AGBL4: variants seen among roughly 807,000 people sequenced by gnomAD.
AGBL4 encodes the protein AGBL carboxypeptidase 4.
In AGBL4, 58 loss-of-function variants were observed where a neutral mutation model predicts 66.4. The ratio of observed to expected loss-of-function variants is 0.87; its 90% CI spans 0.71 to 1.09. The LOEUF is 1.09. Among genes scored for constraint, AGBL4 ranks in the 50% least tolerant of loss-of-function variants. The probability of loss-of-function intolerance (pLI) is 0.00; values close to 1 mark genes in which losing one functional copy is unlikely to be tolerated. For missense variants in AGBL4, 579 were observed against 631.0 expected (o/e 0.92, Z 0.88); for synonymous variants, 234 against 222.9 (o/e 1.05, Z -0.44).
intron 3 of AGBL4, among the ~76,000 whole-genome samples, chr1:49,557,362 T>C (rs1465637474): frequency 2.0e-5 from 3 of 152,150 alleles, no homozygotes; most frequent in African/African-American, 7.2e-5. Context: ...AATTTCATAT[T>C]GTTGAAAGAG....
At chr1:48,738,089 A>G (rs1402176240) in intron 6 of AGBL4, among the ~76,000 whole-genome samples, 1 of 152,200 alleles carries the variant, frequency 6.6e-6, no homozygotes, top group African/African-American at 2.4e-5. Flanking sequence ...TCTTTCTACT[A>G]CTGGAGCTTG....
chr1:48,749,305 A>T (rs930283876), intron 6 of AGBL4, among the ~76,000 whole-genome samples: 1 of 152,112 alleles, frequency 6.6e-6, no homozygotes, highest in Non-Finnish European at 1.5e-5. Context: ...CCCTGACTAG[A>T]ACATAAACAC....
At chr1:49,958,064 A>G (rs567917910) in intron 1 of AGBL4, among the ~76,000 whole-genome samples, 1 of 152,124 alleles carries the variant, frequency 6.6e-6, no homozygotes, top group East Asian at 1.9e-4. Flanking sequence ...GGTGGTGACA[A>G]AATCTCTCAG....
chr1:48,631,137 A>AC (rs1327397666), intron 9 of AGBL4, among the ~76,000 whole-genome samples: 2 of 152,146 alleles, frequency 1.3e-5, no homozygotes, highest in Admixed American at 6.5e-5. Context: ...GAGGAGTGAG[A>AC]CTGTGCATTT....
At chr1:49,645,767 C>CAA (rs761674336) in intron 3 of AGBL4, among the ~76,000 whole-genome samples, 4 of 67,322 alleles carry the variant, frequency 5.9e-5, no homozygotes, top group African/African-American at 1.2e-4. Flanking sequence ...AACATAGATG[C>CAA]AAAAAAAAAA....
At chr1:48,733,947 A>G (rs1359640831) in intron 6 of AGBL4, among the ~76,000 whole-genome samples, 3 of 152,138 alleles carry the variant, frequency 2.0e-5, no homozygotes, top group Non-Finnish European at 4.4e-5. Flanking sequence ...ATTTTATACC[A>G]TGTGATAATG....
chr1:49,834,732 C>G (rs946929836), intron 2 of AGBL4, among the ~76,000 whole-genome samples: 18 of 152,284 alleles, frequency 1.2e-4, no homozygotes, highest in African/African-American at 4.1e-4. Context: ...TCCCTCTAAA[C>G]ACTGCTTTAA....
intron 1 of AGBL4, among the ~76,000 whole-genome samples, chr1:49,897,127 A>C (rs1649302647): frequency 6.6e-6 from 1 of 152,112 alleles, no homozygotes; most frequent in African/African-American, 2.4e-5. Flanking sequence ...CAAATAACAG[A>C]CAGACATAAA....
At chr1:49,651,891 A>C (rs979166091) in intron 3 of AGBL4, among the ~76,000 whole-genome samples, 13 of 152,152 alleles carry the variant, frequency 8.5e-5, no homozygotes, top group African/African-American at 2.9e-4. Context: ...GATGATTAAG[A>C]ATTCAAAATA....
intron 2 of AGBL4, among the ~76,000 whole-genome samples, chr1:49,701,848 G>A (rs1647100287): frequency 6.6e-6 from 1 of 151,946 alleles, no homozygotes; most frequent in African/African-American, 2.4e-5. Context: ...TAAATGAAAT[G>A]GCATTTGTCG....
intron 2 of AGBL4, among the ~76,000 whole-genome samples, chr1:49,734,839 G>A (rs1243533716): frequency 6.6e-6 from 1 of 151,138 alleles, no homozygotes; most frequent in Non-Finnish European, 1.5e-5. Context: ...AATAATCATG[G>A]GAAACTTATA....
In AGBL4 at chr1:48,789,289, TATA is replaced by T. The variant is rs1197101237; in HGVS notation, c.634+77899_634+77901del. ...TTCTTGCTGCGTGGATATATATATA[TATA>T]TATTTTTTTTTTTTGAGACGGCATC... On this transcript the variant is annotated intron_variant, in intron 6 of 13. Transcript: ENST00000371839. Among the ~76,000 whole-genome samples, 118 of 46,780 alleles carry T rather than the reference TATA, an allele frequency of 2.5e-3. 5 individuals carry two copies. In the East Asian group the frequency reaches 0.2, roughly 81 times the overall value. The allele number at this position is 46,780 out of a possible 152,430, so 30.7% of individuals were successfully genotyped here.
chr1:48,931,221 A>G (rs1655010784), intron 5 of AGBL4, among the ~76,000 whole-genome samples: 1 of 152,222 alleles, frequency 6.6e-6, no homozygotes, highest in Admixed American at 6.5e-5. Context: ...AGTTAAGCAA[A>G]ATCTCTAATA....
chr1:49,303,106 A>C (rs1644785242), intron 3 of AGBL4, among the ~76,000 whole-genome samples: 1 of 152,108 alleles, frequency 6.6e-6, no homozygotes, highest in East Asian at 1.9e-4. Flanking sequence ...TGTGAATGGT[A>C]CTGCAATGAA....
intron 6 of AGBL4, among the ~76,000 whole-genome samples, chr1:48,722,151 G>A (rs1647162049): frequency 6.6e-6 from 1 of 151,976 alleles, no homozygotes; most frequent in South Asian, 2.1e-4. Context: ...GTGGGCATTG[G>A]TGAATAGGGA....
At chr1:48,962,585 A>T (rs956186304) in intron 5 of AGBL4, among the ~76,000 whole-genome samples, 1 of 152,074 alleles carries the variant, frequency 6.6e-6, no homozygotes, top group African/African-American at 2.4e-5. Context: ...GTTCTTTGGG[A>T]CCTGGGGTCC....
intron 6 of AGBL4, among the ~76,000 whole-genome samples, chr1:48,841,404 C>CAA (rs1646797219): frequency 7.8e-6 from 1 of 128,832 alleles, no homozygotes; most frequent in African/African-American, 3.1e-5. Context: ...TACAAAACCC[C>CAA]CCCCCCCCAA....
chr1:49,847,837 G>C (rs567149760), intron 2 of AGBL4, among the ~76,000 whole-genome samples: 2 of 152,150 alleles, frequency 1.3e-5, no homozygotes, highest in East Asian at 3.9e-4. Context: ...GAGTAGCTGG[G>C]ACTATAGGCG....
chr1:49,599,388 C>T lies in AGBL4; in HGVS notation c.282+97925G>A, dbSNP rs770827520. On this transcript the variant is annotated intron_variant, in intron 3 of 13. Transcript: ENST00000371839. ...TCACCTAGATTTTCTAGTGTATTTG[C>T]GTAGAGGTGTTTACAGTATTTTCTG... 5.9e-5 allele frequency among the ~76,000 whole-genome samples: 9 copies of T among 152,264 alleles called. No individual in the cohort carries two copies. In the South Asian group the frequency reaches 1.0e-3, roughly 18 times the overall value.
Sources: allele counts gnomAD v4.1 joint callset (sites outside exome capture counted in the v4.1 genomes callset), GRCh38; gene constraint gnomAD v4.1.1; transcripts MANE v1.5; gene names NCBI Gene and HGNC (gene_info 2026-07-23, HGNC 2026-07-21).